Variants in COQ9 observed in about 807,000 individuals in gnomAD.
COQ9 encodes coenzyme Q9.
COQ9 carries 35 observed loss-of-function variants against 42.4 expected under a neutral mutation model. That is an observed-to-expected ratio of 0.83 (90% CI 0.63 to 1.10). COQ9 has a LOEUF of 1.10. COQ9 is among the 50% of genes least tolerant of loss of function. The pLI, the probability that COQ9 is intolerant of heterozygous loss-of-function variation, is 0.00. For missense variants in COQ9, 406 were observed against 414.6 expected, an observed-to-expected ratio of 0.98 and a Z score of 0.18; for synonymous variants, 155 against 155.1, an observed-to-expected ratio of 1.00 and a Z score of 0.00.
At chr16:57,460,151 G>A in intron 8 of COQ9, 47 bp downstream of exon 8, 1 of 1,578,988 alleles carries the variant, frequency 6.3e-7, no homozygotes, top group Non-Finnish European at 8.7e-7. Context: ...TCCCATTCCG[G>A]CTCTGTGATA....
intron 2 of COQ9, among the ~76,000 whole-genome samples, chr16:57,452,440 G>A (rs901138669): frequency 5.9e-5 from 9 of 152,308 alleles, no homozygotes; most frequent in African/African-American, 2.2e-4. Context: ...TCAGGAGTTC[G>A]AGACCAGCCT....
In COQ9 at chr16:57,447,584, G is replaced by A. The variant is rs2030154327; in HGVS notation, c.73+6G>A. 7.9e-7 allele frequency: 1 copy of A among 1,266,320 alleles called. No homozygotes were observed. Among genetic ancestry groups the A allele is most frequent in the Non-Finnish European group, 1.0e-6 (1 of 1,003,156 alleles). The allele number at this position is 1,266,320 out of a possible 1,614,324, so 78.4% of individuals were successfully genotyped here. On this transcript the variant is annotated splice_donor_region_variant and intron_variant, in intron 1 of 8. Transcript: ENST00000262507. ...GCAGCTGCGATGCCTGCCCGGTGAG[G>A]GGGCTGCCAAGCCGGGGAGAGGCGG...
chr16:57,457,020 C>T lies in COQ9; in HGVS notation c.606+5C>T. 6.2e-7 allele frequency: 1 copy of T among 1,606,206 alleles called. No individual in the cohort carries two copies. The highest frequency in any genetic ancestry group is 8.5e-7 in the Non-Finnish European group (1 of 1,172,776). On this transcript the variant is annotated splice_donor_5th_base_variant and intron_variant, in intron 5 of 8. Coordinates refer to ENST00000262507, the MANE Select transcript of COQ9 (RefSeq NM_020312.4). ...TACATTGAGCACTGGCCCCGGGTAC[C>T]AAGTCTATATCCAGGCCCCAGAGCA...
intron 1 of COQ9, among the ~76,000 whole-genome samples, chr16:57,450,436 T>G (rs1425799791): frequency 1.4e-5 from 2 of 144,176 alleles, no homozygotes; most frequent in Admixed American, 6.9e-5. Flanking sequence ...AAAAAGAAAA[T>G]TTTTAGAATA....
chr16:57,458,191 AACTATGC>A, intron 5 of COQ9, 48 bp from the exon 6 acceptor site: 1 of 1,311,414 alleles, frequency 7.6e-7, no homozygotes, highest in South Asian at 1.3e-5. Flanking sequence ...GATGCTGGTC[AACTATGC>A]ACCATTACCT....
chr16:57,452,715 AG>A (rs1368279398), intron 2 of COQ9, 85 bp from the exon 3 acceptor site: 2 of 1,444,634 alleles, frequency 1.4e-6, no homozygotes, highest in African/African-American at 2.8e-5. Flanking sequence ...ATGTGCTTAG[AG>A]GAGATCCAGA....
intron 3 of COQ9, 139 bp downstream of exon 3, chr16:57,453,075 C>T: frequency 8.9e-7 from 1 of 1,119,226 alleles, no homozygotes; most frequent in Non-Finnish European, 1.3e-6. Flanking sequence ...GTTTTTTTCC[C>T]CCAATAGGGT....
intron 4 of COQ9, 27 bp from the exon 5 acceptor site, chr16:57,456,904 C>A (rs767085082): frequency 5.7e-6 from 9 of 1,591,850 alleles, no homozygotes; most frequent in Non-Finnish European, 7.8e-6. Flanking sequence ...CACTCAGAGA[C>A]ACACTGTTTT....
At chr16:57,459,955 C>T (rs2030493697) in intron 7 of COQ9, 96 bp from the exon 8 acceptor site, 3 of 1,243,276 alleles carry the variant, frequency 2.4e-6, no homozygotes, top group Non-Finnish European at 3.5e-6. Flanking sequence ...CTTGTCTTCA[C>T]CTTTTGGGGC....
intron 5 of COQ9, chr16:57,458,042 T>A (rs745339014): frequency 6.7e-6 from 4 of 600,808 alleles, no homozygotes; most frequent in Non-Finnish European, 1.2e-5. Context: ...TGGGCTTGCA[T>A]AAGACGGGGC....
intron 5 of COQ9, 52 bp from the exon 6 acceptor site, chr16:57,458,194 T>C: frequency 2.2e-6 from 3 of 1,337,076 alleles, no homozygotes; most frequent in Non-Finnish European, 3.2e-6. Flanking sequence ...GCTGGTCAAC[T>C]ATGCACCATT....
intron 5 of COQ9, 198 bp from the exon 6 acceptor site, chr16:57,458,048 G>A (rs1183350893): frequency 1.1e-5 from 7 of 613,002 alleles, no homozygotes; most frequent in Admixed American, 9.0e-5. Flanking sequence ...TGCATAAGAC[G>A]GGGCTATGCC....
chr16:57,449,806 G>A (rs960506960), intron 1 of COQ9, among the ~76,000 whole-genome samples: 1 of 152,120 alleles, frequency 6.6e-6, no homozygotes, highest in African/African-American at 2.4e-5. Context: ...AGGCATAAGG[G>A]AACTTTCTGG....
At position 57,458,369 on chromosome 16, in the gene COQ9, C is replaced by T; in HGVS notation, c.711+19C>T. 1 of 1,543,394 alleles carries T rather than the reference C, an allele frequency of 6.5e-7. No homozygotes were observed. Among genetic ancestry groups the T allele is most frequent in the Non-Finnish European group, 8.9e-7 (1 of 1,119,228 alleles). ...CACTGATGTGAGTGCTTTCTGCAGGCCCACAGGAGGCTGGGAAAGGCTTGT... is the reference window on the plus strand; with the variant it reads ...CACTGATGTGAGTGCTTTCTGCAGGTCCACAGGAGGCTGGGAAAGGCTTGT... On this transcript the variant is annotated intron_variant, in intron 6 of 8. Coordinates refer to ENST00000262507, the MANE Select transcript of COQ9 (RefSeq NM_020312.4).
rs779590927 is a variant in COQ9, at chr16:57,447,492, T to G, written c.-14T>G. On this transcript the variant is annotated 5_prime_UTR_variant, in exon 1 of 9. Transcript: ENST00000262507. ...ACCGGTCGCGTCGCCGTGGGCGACG[T>G]GCCCGCTTCCAAAATGGCGGCGGCG... 7.7e-7 allele frequency: 1 copy of G among 1,290,676 alleles called. No homozygotes were observed. The highest frequency in any genetic ancestry group is 1.5e-5 in the African/African-American group (1 of 65,016). The allele number at this position is 1,290,676 out of a possible 1,614,324, so 80.0% of individuals were successfully genotyped here.
intron 7 of COQ9, 98 bp downstream of exon 7, chr16:57,459,818 G>A: frequency 1.4e-6 from 2 of 1,398,906 alleles, no homozygotes; most frequent in Non-Finnish European, 2.0e-6. Flanking sequence ...TCAGCTGACA[G>A]TCCTGAGGGC....
At chr16:57,448,011 C>T (rs928706240) in intron 1 of COQ9, among the ~76,000 whole-genome samples, 1 of 152,202 alleles carries the variant, frequency 6.6e-6, no homozygotes, top group Admixed American at 6.5e-5. Context: ...TTCTGTGATA[C>T]TCTCTTACCA....
In COQ9 at chr16:57,451,045, C is replaced by T. The variant is rs140264612; in HGVS notation, c.79C>T (p.Arg27Cys). 18 of 1,613,780 alleles carry T rather than the reference C, an allele frequency of 1.1e-5. No individual in the cohort carries two copies. Among genetic ancestry groups the T allele is most frequent in the African/African-American group, 6.7e-5 (5 of 74,882 alleles). ...LLQLRCLPVA[R>C]CRQALVPRAF... Reference sequence around the variant, plus strand: ...CTGACCAGTTTCTGTTTCAGTGGCCCGTTGCCGACAAGCCCTGGTGCCGCG... The same window carrying T: ...CTGACCAGTTTCTGTTTCAGTGGCCTGTTGCCGACAAGCCCTGGTGCCGCG... Residue 27 changes from arginine to cysteine, a missense_variant, in exon 2 of 9, where the codon CGT (arginine) becomes TGT (cysteine). Arg to Cys is a radical substitution (Grantham distance 180). Transcript: ENST00000262507.
At position 57,458,818 on chromosome 16, in the gene COQ9, C is replaced by T. The variant is rs567185676; in HGVS notation, c.711+468C>T. On this transcript the variant is annotated intron_variant, in intron 6 of 8. Coordinates refer to ENST00000262507, the MANE Select transcript of COQ9 (RefSeq NM_020312.4). Reference sequence around the variant, plus strand: ...TAAACAGCACCAGGAAAGAATCCGACTTGTTAATGCTATCATATTTCTGGT... The same window carrying T: ...TAAACAGCACCAGGAAAGAATCCGATTTGTTAATGCTATCATATTTCTGGT... Among the ~76,000 whole-genome samples the T allele has an allele frequency of 2.6e-5, 4 of 152,292 alleles. No homozygotes were observed. The South Asian group carries it at 8.3e-4, about 32-fold the overall frequency.
Sources: gnomAD v4.1 joint callset for allele counts (sites outside exome capture counted in the v4.1 genomes callset) on GRCh38, gnomAD v4.1.1 for gene constraint, MANE v1.5 for transcripts, NCBI Gene and HGNC (gene_info 2026-07-23, HGNC 2026-07-21) for gene names.